Variants in MAPT observed in about 807,000 individuals in gnomAD.
MAPT encodes microtubule associated protein tau.
A neutral mutation model predicts 67.9 loss-of-function variants in MAPT; 34 were observed. That is an observed-to-expected ratio of 0.50 (90% CI 0.38 to 0.67). The LOEUF is 0.67. Among genes scored for constraint, MAPT ranks in the 30% least tolerant of loss-of-function variants. The pLI is 0.00. For missense variants in MAPT, 881 were observed against 1,115.2 expected, an observed-to-expected ratio of 0.79 and a Z score of 2.99; for synonymous variants, 456 against 464.5, an observed-to-expected ratio of 0.98 and a Z score of 0.23.
intron 1 of MAPT, among the ~76,000 whole-genome samples, chr17:45,907,429 G>A (rs182403081): frequency 3.0e-4 from 45 of 152,274 alleles, no homozygotes; most frequent in African/African-American, 1.1e-3. Context: ...TTCCTGTGTA[G>A]GACTCATCTG....
intron 1 of MAPT, chr17:45,894,899 G>A (rs1046284537): frequency 1.3e-5 from 2 of 152,252 alleles, no homozygotes; most frequent in African/African-American, 4.8e-5. Flanking sequence ...ACGCGTGAGT[G>A]CGCGCGTGTG....
intron 1 of MAPT, among the ~76,000 whole-genome samples, chr17:45,904,012 ATTATATATTATATATTT>A (rs2063937460): frequency 1.1e-4 from 1 of 9,092 alleles, no homozygotes; most frequent in Admixed American, 1.8e-3. Context: ...TATTATATAT[ATTATATATTATATATTT>A]ATATATTATA....
Position 45,935,456 on chromosome 17 carries a change from C to T in MAPT, c.-17-26865C>T, listed in dbSNP as rs189263986. Among the ~76,000 whole-genome samples, 39 of 152,236 alleles carry T rather than the reference C, an allele frequency of 2.6e-4. 2 individuals are homozygous for T. The highest frequency in any genetic ancestry group is 2.3e-3 in the Admixed American group (35 of 15,294). ...CTGGGGTCCATTTACTTACCTTCCC[C>T]ACCCCCTCGGAACTCAGAGGTGGTG... On this transcript the variant is annotated intron_variant, in intron 1 of 12. Transcript: ENST00000262410.
intron 1 of MAPT, among the ~76,000 whole-genome samples, chr17:45,951,820 T>G (rs2069113725): frequency 6.6e-6 from 1 of 151,890 alleles, no homozygotes; most frequent in Non-Finnish European, 1.5e-5. Context: ...GTGCCTCCCC[T>G]AAAATGTGTT....
At chr17:45,967,142 A>G (rs17650991) in intron 2 of MAPT, among the ~76,000 whole-genome samples, 1 of 152,150 alleles carries the variant, frequency 6.6e-6, no homozygotes, top group Non-Finnish European at 1.5e-5. Flanking sequence ...ATATGGCTGG[A>G]TACCTGCCCA....
At chr17:46,021,135 C>G (rs567520392) in intron 12 of MAPT, among the ~76,000 whole-genome samples, 2 of 152,256 alleles carry the variant, frequency 1.3e-5, no homozygotes, top group African/African-American at 4.8e-5. Flanking sequence ...GCTGATACAG[C>G]CTTGCTGCAG....
At chr17:45,904,229 T>TA (rs2064059082) in intron 1 of MAPT, among the ~76,000 whole-genome samples, 1 of 49,084 alleles carries the variant, frequency 2.0e-5, no homozygotes, top group African/African-American at 7.1e-5. Flanking sequence ...ATTATATATA[T>TA]TATATATTAT....
At chr17:45,978,330 A>C (rs749945704) in intron 3 of MAPT, 45 bp from the exon 4 acceptor site, 1 of 1,478,360 alleles carries the variant, frequency 6.8e-7, no homozygotes, top group Admixed American at 1.7e-5. Flanking sequence ...GTAAACAATA[A>C]CTGTCTTGCT....
chr17:45,949,838 A>G (rs1261250811), intron 1 of MAPT, among the ~76,000 whole-genome samples: 1 of 152,114 alleles, frequency 6.6e-6, no homozygotes, highest in Non-Finnish European at 1.5e-5. Flanking sequence ...CAGGTGGAGG[A>G]AGGCGGATTG....
At chr17:46,018,380 A>G (rs1464030499) in intron 11 of MAPT, among the ~76,000 whole-genome samples, 1 of 152,168 alleles carries the variant, frequency 6.6e-6, no homozygotes, top group East Asian at 1.9e-4. Context: ...ACCTACTTCT[A>G]AAGGCTGGTC....
chr17:45,902,685 GA>G lies in MAPT; in HGVS notation c.-18+8000del, dbSNP rs143408891. ...TCATTCACATAGAATCCCAACTTAAGAGGGTAAAATCCTCCTCAACAGACTG... is the reference window on the plus strand; with the variant it reads ...TCATTCACATAGAATCCCAACTTAAGGGGTAAAATCCTCCTCAACAGACTG... On this transcript the variant is annotated intron_variant, in intron 1 of 12. Coordinates refer to ENST00000262410, the MANE Select transcript of MAPT (RefSeq NM_001377265.1). Among the ~76,000 whole-genome samples, 299 of 152,328 alleles carry G rather than the reference GA, an allele frequency of 2.0e-3. 3 individuals carry two copies. Among genetic ancestry groups the G allele is most frequent in the African/African-American group, 7.1e-3 (294 of 41,576 alleles).
chr17:45,996,277 G>A lies in MAPT; in HGVS notation c.1733-122G>A. ...TCTGCTGTAGCTGCGCTTCCAACCT[G>A]GCTTCCACCTGCCTAACCCAGTGGT... On this transcript the variant is annotated intron_variant, in intron 8 of 12. Transcript: ENST00000262410. The surrounding 1 kb of genome is among the most constrained non-coding windows in gnomAD (Gnocchi z 4.5). The A allele has an allele frequency of 9.3e-7, 1 of 1,080,854 alleles. No individual in the cohort carries two copies. The highest frequency in any genetic ancestry group is 1.4e-6 in the Non-Finnish European group (1 of 715,488). 67.0% of individuals were successfully genotyped at this position (1,080,854 alleles called of 1,614,324 possible). A position where few individuals can be genotyped will look rare whatever the true frequency, so the allele number is the denominator to read the frequency against.
chr17:45,983,734 C>A lies in MAPT; in HGVS notation c.1155C>A (p.Asn385Lys). ...CGTTTCACGTGGAAATCACACCCAA[C>A]GTGCAGAAGGAGCAGGCGCACTCGG... Reference protein sequence around the residue: ...EFTFHVEITPNVQKEQAHSEE... With the variant: ...EFTFHVEITPKVQKEQAHSEE... Residue 385 changes from asparagine to lysine, a missense_variant, in exon 5 of 13, where the codon AAC (asparagine) becomes AAA (lysine). Around this residue, in one of 6 missense-constraint regions of MAPT, gnomAD observed 687 missense variants for 766.1 expected, o/e 0.90. Coordinates refer to ENST00000262410, the MANE Select transcript of MAPT (RefSeq NM_001377265.1). The A allele has an allele frequency of 6.2e-7, 1 of 1,614,180 alleles. No individual in the cohort carries two copies. The highest frequency in any genetic ancestry group is 8.5e-7 in the Non-Finnish European group (1 of 1,180,038).
intron 1 of MAPT, among the ~76,000 whole-genome samples, chr17:45,946,319 G>A (rs1242280939): frequency 3.3e-5 from 5 of 151,684 alleles, no homozygotes; most frequent in African/African-American, 1.2e-4. Context: ...AAACAGTATT[G>A]GGCCAGGCAC....
chr17:46,024,252 C>A lies in MAPT; in HGVS notation c.*81C>A, dbSNP rs2076710335. On this transcript the variant is annotated 3_prime_UTR_variant, in exon 13 of 13. Transcript: ENST00000262410. ...AAAAAAAAGAATAATGACCCGGCCC[C>A]CGCCCTCTGCCCCCAGCTGCTCCTC... is the stretch of plus-strand genomic sequence containing the variant. 1 of 1,235,238 alleles carries A rather than the reference C, an allele frequency of 8.1e-7. No individual in the cohort carries two copies. The highest frequency in any genetic ancestry group is 1.2e-6 in the Non-Finnish European group (1 of 858,972). 76.5% of individuals were successfully genotyped at this position (1,235,238 alleles called of 1,614,324 possible). A position where few individuals can be genotyped will look rare whatever the true frequency, so the allele number is the denominator to read the frequency against.
At chr17:45,947,133 A>G (rs570828442) in intron 1 of MAPT, among the ~76,000 whole-genome samples, 313 of 152,122 alleles carry the variant, frequency 2.1e-3, no homozygotes, top group African/African-American at 7.2e-3. Flanking sequence ...GTGTGATGCA[A>G]TGTGACCAGA....
At chr17:45,957,905 G>C (rs1304441696) in intron 1 of MAPT, among the ~76,000 whole-genome samples, 1 of 152,112 alleles carries the variant, frequency 6.6e-6, no homozygotes, top group Non-Finnish European at 1.5e-5. Flanking sequence ...TTACAAGAAG[G>C]TCAAATAATT....
intron 1 of MAPT, among the ~76,000 whole-genome samples, chr17:45,949,446 G>A (rs1297615558): frequency 6.6e-6 from 1 of 152,246 alleles, no homozygotes; most frequent in African/African-American, 2.4e-5. Context: ...CTTTCCCAAA[G>A]GGGTTGCTCT....
chr17:45,931,181 G>A (rs796343267), intron 1 of MAPT, among the ~76,000 whole-genome samples: 21 of 152,294 alleles, frequency 1.4e-4, no homozygotes, highest in African/African-American at 4.8e-4. Flanking sequence ...CTCAGCCATC[G>A]TGTGCCATGT....
Sources: allele counts gnomAD v4.1 joint callset (sites outside exome capture counted in the v4.1 genomes callset), GRCh38; gene constraint gnomAD v4.1.1; regional missense constraint gnomAD v4.1.1; non-coding constraint Gnocchi (gnomAD v3.1); transcripts MANE v1.5; gene names NCBI Gene and HGNC (gene_info 2026-07-23, HGNC 2026-07-21).